Variants in RAB19 observed in about 807,000 individuals in gnomAD.
RAB19 encodes the protein ras-related protein Rab-19.
Under a neutral mutation model 17.3 loss-of-function variants are expected in RAB19, and 21 were observed. The observed-to-expected ratio is 1.21, with a 90% CI of 0.86 to 1.74. The LOEUF is 1.74. Ranked by LOEUF, RAB19 falls within the 40% of genes most tolerant of loss-of-function variation. RAB19 has a pLI of 0.00. For synonymous variants in RAB19, 126 were observed against 110.4 expected (o/e 1.14, Z -0.88); for missense variants, 277 against 286.8 (o/e 0.97, Z 0.25).
chr7:140,417,610 G>A (rs1345524306), intron 3 of RAB19, among the ~76,000 whole-genome samples: 2 of 152,116 alleles, frequency 1.3e-5, no homozygotes, highest in Admixed American at 6.6e-5. Flanking sequence ...CATGCTATAC[G>A]AGCTTCCTGT....
In RAB19 at chr7:140,418,913, C is replaced by G. The variant is rs537767635; in HGVS notation, c.385+6856C>G. Among the ~76,000 whole-genome samples, 6 of 151,166 alleles carry G rather than the reference C, an allele frequency of 4.0e-5. No homozygotes were observed. In the East Asian group the frequency reaches 1.2e-3, roughly 29 times the overall value. ...CACTCTTCTCCCCCACCAGCTTTCA[C>G]TTTATTACTCCACACTCCTTCTGCC... On this transcript the variant is annotated intron_variant, in intron 3 of 3. Coordinates refer to ENST00000537763, the MANE Select transcript of RAB19 (RefSeq NM_001008749.3).
In RAB19 at chr7:140,415,156, C is replaced by A. The variant is rs144861676; in HGVS notation, c.385+3099C>A. Among the ~76,000 whole-genome samples, 217 of 151,812 alleles carry A rather than the reference C, an allele frequency of 1.4e-3. 5 individuals are homozygous for A. The East Asian group carries it at 0.037, about 26-fold the overall frequency. ...GTAGTGCAATCTCGGCTCACTGCAA[C>A]CTCCACCACCCGGGTTCAAGTGATT... On this transcript the variant is annotated intron_variant, in intron 3 of 3. Transcript: ENST00000537763.
chr7:140,405,602 T>C (rs1041432412), intron 1 of RAB19, among the ~76,000 whole-genome samples: 54 of 151,928 alleles, frequency 3.6e-4, no homozygotes, highest in Admixed American at 2.0e-4. Flanking sequence ...ACTTTCAACC[T>C]CCTGGCGTCA....
At chr7:140,410,852 C>G (rs1799346408) in intron 2 of RAB19, 119 of 1,061,824 alleles carry the variant, frequency 1.1e-4, no homozygotes, top group Non-Finnish European at 1.5e-4. Context: ...GAAGAAATTG[C>G]TACCCTCAGA....
At chr7:140,419,857 T>G (rs576530640) in intron 3 of RAB19, among the ~76,000 whole-genome samples, 1 of 152,260 alleles carries the variant, frequency 6.6e-6, no homozygotes, top group Non-Finnish European at 1.5e-5. Flanking sequence ...ATCACTAGTG[T>G]TTTTCATTTG....
intron 1 of RAB19, among the ~76,000 whole-genome samples, chr7:140,406,555 G>A (rs1799244417): frequency 6.6e-6 from 1 of 150,756 alleles, no homozygotes; most frequent in South Asian, 2.1e-4. Context: ...CAGGAGAATC[G>A]TTTGAACTGG....
chr7:140,419,997 TC>T (rs1799528944), intron 3 of RAB19, among the ~76,000 whole-genome samples: 2 of 152,312 alleles, frequency 1.3e-5, no homozygotes, highest in Non-Finnish European at 2.9e-5. Flanking sequence ...TCTTGTCAAT[TC>T]CTAACAGTAG....
Position 140,425,913 on chromosome 7 carries a change from C to A in RAB19, c.417C>A (p.His139Gln). The change falls in exon 4 of 4, where the codon CAC (histidine) becomes CAA (glutamine). Residue 139 changes from histidine to glutamine, a missense_variant. By Grantham distance (24) the His-to-Gln change is conservative. Transcript: ENST00000537763. The part of the protein sequence containing the change: ...GNKCDLWEKR[H>Q]VLFEDACTLA... ...AATGTGACCTCTGGGAAAAGCGGCA[C>A]GTCCTGTTCGAGGATGCCTGCACAC... 1 of 1,613,954 alleles carries A rather than the reference C, an allele frequency of 6.2e-7. No individual in the cohort carries two copies. Among genetic ancestry groups the A allele is most frequent in the South Asian group, 1.1e-5 (1 of 91,068 alleles).
chr7:140,412,073 A>C lies in RAB19; in HGVS notation c.385+16A>C, dbSNP rs753112087. The C allele has an allele frequency of 2.5e-6, 4 of 1,604,226 alleles. No homozygotes were observed. In the East Asian group the frequency reaches 8.9e-5, roughly 36 times the overall value. On this transcript the variant is annotated intron_variant, in intron 3 of 3. Coordinates refer to ENST00000537763, the MANE Select transcript of RAB19 (RefSeq NM_001008749.3). ...ATGCTGATTGGTATGGCATTTTTGA[A>C]GTTTTTAACTTTTGTTTACTCTCCT...
chr7:140,422,819 A>G lies in RAB19; in HGVS notation c.386-3063A>G, dbSNP rs375346638. Among the ~76,000 whole-genome samples the G allele has an allele frequency of 3.3e-5, 5 of 151,940 alleles. No homozygotes were observed. The East Asian group carries it at 9.6e-4, about 29-fold the overall frequency. On this transcript the variant is annotated intron_variant, in intron 3 of 3. Transcript: ENST00000537763. Reference sequence around the variant, plus strand: ...AGACCCTGTCTCAAAAAAAATGAATAAATAAAGGCCAGGCACCGTGGCTCA... The same window carrying G: ...AGACCCTGTCTCAAAAAAAATGAATGAATAAAGGCCAGGCACCGTGGCTCA...
Position 140,422,979 on chromosome 7 carries a change from A to G in RAB19, c.386-2903A>G, listed in dbSNP as rs534704888. On this transcript the variant is annotated intron_variant, in intron 3 of 3. Coordinates refer to ENST00000537763, the MANE Select transcript of RAB19 (RefSeq NM_001008749.3). ...AAAAATTAGCCAGGCATGGTGGTGT[A>G]TGCCTGTAATCCCAGTTATTCGAGA... is the stretch of plus-strand genomic sequence containing the variant. Among the ~76,000 whole-genome samples the G allele has an allele frequency of 7.9e-5, 12 of 151,106 alleles. No individual in the cohort carries two copies. In the East Asian group the frequency reaches 2.4e-3, roughly 30 times the overall value.
intron 2 of RAB19, 32 bp downstream of exon 2, chr7:140,407,879 CCTTTTTTTTTT>C: frequency 4.7e-6 from 4 of 848,194 alleles, no homozygotes; most frequent in South Asian, 3.3e-5. Context: ...ACTGGTTCCA[CCTTTTTTTTTT>C]TTTTTTTTTT....
At chr7:140,405,909 T>A (rs938392894) in intron 1 of RAB19, among the ~76,000 whole-genome samples, 10 of 152,130 alleles carry the variant, frequency 6.6e-5, no homozygotes, top group Non-Finnish European at 1.2e-4. Flanking sequence ...CCCAGATAAT[T>A]CTGATAATCA....
At position 140,407,675 on chromosome 7, in the gene RAB19, C is replaced by G. The variant is rs774958091; in HGVS notation, c.29C>G (p.Ala10Gly). Residue 10 changes from alanine (A) to glycine (G), a missense_variant, in exon 2 of 4, where the codon GCA becomes GGA. Coordinates refer to ENST00000537763, the MANE Select transcript of RAB19 (RefSeq NM_001008749.3). MHFSSSARA[A>G]DENFDYLFKI... The stretch of plus-strand genomic sequence containing the variant: ...CACTTCTCCAGCTCAGCCAGGGCAG[C>G]AGATGAGAACTTTGACTATTTGTTC... The G allele has an allele frequency of 2.3e-5, 37 of 1,613,978 alleles. No individual in the cohort carries two copies. The highest frequency in any genetic ancestry group is 2.6e-5 in the Non-Finnish European group (31 of 1,180,016).
In RAB19 at chr7:140,412,278, C is replaced by T. The variant is rs578147725; in HGVS notation, c.385+221C>T. On this transcript the variant is annotated intron_variant, in intron 3 of 3. Transcript: ENST00000537763. ...CATCCTGGCTGACACGGTGAAACCC[C>T]GTCTCTACTAAAAATACAAAAAAAT... is the stretch of plus-strand genomic sequence containing the variant. Among the ~76,000 whole-genome samples, 1,027 of 152,072 alleles carry T rather than the reference C, an allele frequency of 6.8e-3. 5 individuals are homozygous for T. Among genetic ancestry groups the T allele is most frequent in the Middle Eastern group, 0.02 (6 of 294 alleles).
chr7:140,418,017 C>A (rs917040916), intron 3 of RAB19, among the ~76,000 whole-genome samples: 2 of 152,124 alleles, frequency 1.3e-5, no homozygotes, highest in Non-Finnish European at 2.9e-5. Context: ...CATGGGCCCC[C>A]GTTCCTAGCC....
chr7:140,410,349 TCG>T (rs201200571), intron 2 of RAB19, among the ~76,000 whole-genome samples: 7,812 of 118,344 alleles, frequency 0.066, 290 homozygotes, highest in South Asian at 0.16. Flanking sequence ...AGACGGAGTC[TCG>T]CCCTGTCACC....
intron 3 of RAB19, among the ~76,000 whole-genome samples, chr7:140,420,335 C>A (rs182918182): frequency 6.7e-6 from 1 of 150,204 alleles, no homozygotes; most frequent in Non-Finnish European, 1.5e-5. Flanking sequence ...CCAGGAGAAT[C>A]GCTTGAACCC....
intron 3 of RAB19, among the ~76,000 whole-genome samples, chr7:140,412,844 G>C (rs529559511): frequency 2.0e-5 from 3 of 151,856 alleles, no homozygotes; most frequent in African/African-American, 7.2e-5. Context: ...CATAAACATA[G>C]ATGGGGCGTG....
Sources: gnomAD v4.1 joint callset for allele counts (sites outside exome capture counted in the v4.1 genomes callset) on GRCh38, gnomAD v4.1.1 for gene constraint, MANE v1.5 for transcripts, NCBI Gene and HGNC (gene_info 2026-07-23, HGNC 2026-07-21) for gene names.